The following CDC6 variants were observed in gnomAD, a reference collection of about 807,000 sequenced individuals.
CDC6 encodes cell division cycle 6.
Under a neutral mutation model 60.2 loss-of-function variants are expected in CDC6, and 46 were observed. The ratio of observed to expected loss-of-function variants is 0.76; its 90% CI spans 0.60 to 0.98. The LOEUF is 0.98. CDC6 is among the 50% of genes least tolerant of loss of function. The pLI is 0.00. For synonymous variants in CDC6, 210 were observed against 233.2 expected (o/e 0.90, Z 0.90); for missense variants, 596 against 652.9 (o/e 0.91, Z 0.95).
intron 9 of CDC6, among the ~76,000 whole-genome samples, chr17:40,299,872 G>A (rs2032912640): frequency 6.6e-6 from 1 of 152,166 alleles, no homozygotes; most frequent in Admixed American, 6.5e-5. Flanking sequence ...ATTTGGGGAA[G>A]CCATCTGAAG....
At chr17:40,292,712 G>A (rs2032783473) in intron 4 of CDC6, among the ~76,000 whole-genome samples, 2 of 151,636 alleles carry the variant, frequency 1.3e-5, no homozygotes, top group Non-Finnish European at 2.9e-5. Flanking sequence ...GGCGGATCAT[G>A]AGGTTAGGAG....
At chr17:40,289,271 A>T in intron 1 of CDC6, 137 bp from the exon 2 acceptor site, 1 of 789,342 alleles carries the variant, frequency 1.3e-6, no homozygotes, top group South Asian at 1.5e-5. Context: ...ATGTGAAGCA[A>T]AAGTGAATGC....
chr17:40,290,756 C>T (rs1007562552), intron 2 of CDC6, among the ~76,000 whole-genome samples: 17 of 152,062 alleles, frequency 1.1e-4, no homozygotes, highest in Admixed American at 6.6e-4. Flanking sequence ...TAGGATGGTG[C>T]GGGATTTCAT....
intron 9 of CDC6, among the ~76,000 whole-genome samples, chr17:40,299,110 A>G (rs1024620890): frequency 2.2e-5 from 3 of 133,560 alleles, no homozygotes; most frequent in South Asian, 2.4e-4. Flanking sequence ...CTTGGAATTC[A>G]TGCATCTCCA....
At chr17:40,296,833 G>A (rs754216197) in intron 9 of CDC6, 66 bp downstream of exon 9, 11 of 1,037,056 alleles carry the variant, frequency 1.1e-5, no homozygotes, top group Non-Finnish European at 1.7e-5. Context: ...GAGGAAAGAG[G>A]TAGAAAGATG....
chr17:40,298,178 G>A (rs2032884426), intron 9 of CDC6, among the ~76,000 whole-genome samples: 1 of 152,062 alleles, frequency 6.6e-6, no homozygotes, highest in East Asian at 1.9e-4. Context: ...GCTAATAGTA[G>A]GCAATATATA....
chr17:40,291,814 C>T (rs1350625547), intron 4 of CDC6, 146 bp downstream of exon 4: 7 of 798,104 alleles, frequency 8.8e-6, no homozygotes, highest in Admixed American at 4.1e-5. Context: ...GGCGCGATCT[C>T]GGCTCACTGC....
At chr17:40,293,363 C>A in intron 4 of CDC6, 93 bp from the exon 5 acceptor site, 1 of 866,664 alleles carries the variant, frequency 1.2e-6, no homozygotes, top group Non-Finnish European at 2.0e-6. Context: ...AGCTTCCTTA[C>A]GTGCTGTTAG....
intron 2 of CDC6, 118 bp downstream of exon 2, chr17:40,289,716 T>C: frequency 2.5e-6 from 2 of 802,094 alleles, no homozygotes; most frequent in Non-Finnish European, 3.9e-6. Context: ...TTTTTTTTTT[T>C]TTTTTTTTTT....
intron 10 of CDC6, 89 bp downstream of exon 10, chr17:40,301,119 A>G (rs2032934356): frequency 2.2e-6 from 2 of 893,672 alleles, no homozygotes; most frequent in African/African-American, 3.3e-5. Context: ...ATGATACTTC[A>G]GCTGATAATA....
chr17:40,301,877 C>A, intron 11 of CDC6, 35 bp from the exon 12 acceptor site: 1 of 1,351,208 alleles, frequency 7.4e-7, no homozygotes, highest in South Asian at 1.2e-5. Context: ...TTTGTGAGTT[C>A]CCCAGTGTGA....
At chr17:40,297,635 G>A (rs898607474) in intron 9 of CDC6, among the ~76,000 whole-genome samples, 1 of 152,158 alleles carries the variant, frequency 6.6e-6, no homozygotes, top group Non-Finnish European at 1.5e-5. Context: ...GGCAAGCATG[G>A]TGTGTGCCTG....
Position 40,289,445 on chromosome 17 carries a change from C to T in CDC6, c.25C>T (p.Gln9Ter). The T allele has an allele frequency of 6.2e-7, 1 of 1,613,976 alleles. No homozygotes were observed. Among genetic ancestry groups the T allele is most frequent in the South Asian group, 1.1e-5 (1 of 91,074 alleles). ...CATGCCTCAAACCCGATCCCAGGCA[C>T]AGGCTACAATCAGTTTTCCAAAAAG... MPQTRSQAQATISFPKRKL... is the reference protein window; with the variant it reads MPQTRSQA The change falls in exon 2 of 12, where the codon CAG becomes TAG. Residue 9 changes from glutamine to a stop codon, truncating the protein, a stop_gained. Transcript: ENST00000209728. LOFTEE classifies it high-confidence loss of function.
At chr17:40,294,303 G>T (rs184587072) in intron 6 of CDC6, 61 bp from the exon 7 acceptor site, 2 of 1,352,266 alleles carry the variant, frequency 1.5e-6, no homozygotes, top group Admixed American at 1.7e-5. Context: ...GCTTTCAGAA[G>T]ATTTAGTTTT....
chr17:40,294,881 C>T (rs1042424368), intron 7 of CDC6, among the ~76,000 whole-genome samples: 9 of 152,012 alleles, frequency 5.9e-5, no homozygotes, highest in African/African-American at 2.2e-4. Context: ...CCTGCCACCA[C>T]GCCCAGCTAA....
chr17:40,293,648 T>G lies in CDC6; in HGVS notation c.836+17T>G, dbSNP rs113629063. The G allele has an allele frequency of 1.0e-5, 16 of 1,594,582 alleles. No individual in the cohort carries two copies. The Admixed American group carries it at 1.2e-4, about 12-fold the overall frequency. On this transcript the variant is annotated intron_variant, in intron 5 of 11. Transcript: ENST00000209728. ...CCCCATGATGTAAGTATTGTTCTGC[T>G]TCATGTTGCTCTGTGAAAATCTGCA...
At chr17:40,300,653 A>G (rs1238631829) in intron 9 of CDC6, among the ~76,000 whole-genome samples, 175 bp from the exon 10 acceptor site, 1 of 152,232 alleles carries the variant, frequency 6.6e-6, no homozygotes, top group Non-Finnish European at 1.5e-5. Flanking sequence ...CCTTAAGAGA[A>G]TAGCATTATC....
intron 7 of CDC6, among the ~76,000 whole-genome samples, 178 bp from the exon 8 acceptor site, chr17:40,295,178 A>C (rs188474498): frequency 6.8e-4 from 103 of 152,332 alleles, no homozygotes; most frequent in African/African-American, 2.4e-3. Flanking sequence ...CAAAAAGCTT[A>C]AATGTGTGAA....
chr17:40,295,914 G>GC (rs1220063091), intron 8 of CDC6, among the ~76,000 whole-genome samples: 3 of 151,836 alleles, frequency 2.0e-5, no homozygotes, highest in African/African-American at 7.3e-5. Flanking sequence ...CCATCCTCCT[G>GC]CCCCTCCTGC....
Sources: allele counts gnomAD v4.1 joint callset (sites outside exome capture counted in the v4.1 genomes callset), GRCh38; gene constraint gnomAD v4.1.1; transcripts MANE v1.5; gene names NCBI Gene and HGNC (gene_info 2026-07-23, HGNC 2026-07-21).